The following FTCDNL1 variants were observed in gnomAD, a reference collection of about 807,000 sequenced individuals.
FTCDNL1 encodes the protein formiminotransferase cyclodeaminase N-terminal like.
Under a neutral mutation model 5.9 loss-of-function variants are expected in FTCDNL1, and 11 were observed. The ratio of observed to expected loss-of-function variants is 1.87; its 90% CI spans 1.18 to 3.10. FTCDNL1 has a LOEUF of 3.10. Among genes scored for constraint, FTCDNL1 ranks in the 30% most tolerant of loss-of-function variants. The pLI is 0.00. For missense variants in FTCDNL1, 115 were observed against 65.5 expected, an observed-to-expected ratio of 1.76 and a Z score of -2.61; for synonymous variants, 58 against 24.8, an observed-to-expected ratio of 2.34 and a Z score of -3.99.
the FTCDNL1 span, among the ~76,000 whole-genome samples, chr2:199,679,080 A>G: frequency 6.6e-6 from 1 of 152,128 alleles, no homozygotes; most frequent in Admixed American, 6.6e-5. Context: ...CCGGCATTCA[A>G]AATGTTCTTT....
chr2:199,823,503 T>C (rs1176768095), intron 3 of FTCDNL1, among the ~76,000 whole-genome samples: 1 of 152,248 alleles, frequency 6.6e-6, no homozygotes, highest in Non-Finnish European at 1.5e-5. Flanking sequence ...AATTACTCCT[T>C]GATCCATGGG....
intron 3 of FTCDNL1, among the ~76,000 whole-genome samples, chr2:199,781,386 A>G (rs796177404): frequency 1.1e-4 from 16 of 152,288 alleles, no homozygotes; most frequent in African/African-American, 3.6e-4. Flanking sequence ...CATCTTCCAG[A>G]CCACAGAAGC....
At chr2:199,738,999 C>A in the FTCDNL1 span, among the ~76,000 whole-genome samples, 1 of 152,132 alleles carries the variant, frequency 6.6e-6, no homozygotes, top group Non-Finnish European at 1.5e-5. Context: ...GCAATAAATT[C>A]TCAGTCACAG....
rs34899809 is a variant in FTCDNL1 at position 199,821,316 on chromosome 2, ATT to A, written c.212-1561_212-1560del. Among the ~76,000 whole-genome samples the A allele has an allele frequency of 4.7e-3, 628 of 133,818 alleles. 2 individuals are homozygous for A. Among genetic ancestry groups the A allele is most frequent in the Middle Eastern group, 0.011 (3 of 262 alleles). 87.8% of individuals were successfully genotyped at this position (133,818 alleles called of 152,430 possible). ...AGGCACGTGCCACCAAGCCTGGCTA[ATT>A]TTTTTTTTTTTTTTTTTTTTTTTAG... On this transcript the variant is annotated intron_variant, in intron 3 of 4. Coordinates refer to ENST00000420128, the MANE Select transcript of FTCDNL1 (RefSeq NM_001363886.2).
At chr2:199,734,642 C>A in the FTCDNL1 span, among the ~76,000 whole-genome samples, 1 of 152,088 alleles carries the variant, frequency 6.6e-6, no homozygotes, top group African/African-American at 2.4e-5. Flanking sequence ...CACATGATCA[C>A]CAAAGGCAGT....
chr2:199,833,541 G>A (rs1291065521), intron 3 of FTCDNL1, among the ~76,000 whole-genome samples: 1 of 152,218 alleles, frequency 6.6e-6, no homozygotes, highest in Non-Finnish European at 1.5e-5. Context: ...CTTGGGGATG[G>A]CCAGGAATCC....
chr2:199,842,421 G>A (rs1163702627), intron 3 of FTCDNL1, among the ~76,000 whole-genome samples: 2 of 152,146 alleles, frequency 1.3e-5, no homozygotes, highest in African/African-American at 4.8e-5. Context: ...AGTTCAGGCT[G>A]CCCTCACCTC....
At chr2:199,699,806 T>C in the FTCDNL1 span, among the ~76,000 whole-genome samples, 5,059 of 152,224 alleles carry the variant, frequency 0.033, 408 homozygotes, top group East Asian at 0.26. Context: ...AATCAAATCA[T>C]CATCTCAATA....
the FTCDNL1 span, among the ~76,000 whole-genome samples, chr2:199,753,987 G>T: frequency 6.6e-6 from 1 of 152,328 alleles, no homozygotes; most frequent in East Asian, 1.9e-4. Context: ...TTTCCTTGGA[G>T]ATATTGCCCC....
At chr2:199,703,746 C>T in the FTCDNL1 span, among the ~76,000 whole-genome samples, 2 of 152,026 alleles carry the variant, frequency 1.3e-5, no homozygotes, top group Non-Finnish European at 2.9e-5. Context: ...GCACATGTAC[C>T]CCCTTAAAAG....
At chr2:199,731,756 C>T in the FTCDNL1 span, among the ~76,000 whole-genome samples, 18 of 151,528 alleles carry the variant, frequency 1.2e-4, no homozygotes, top group East Asian at 1.4e-3. Context: ...GGCGTAGTGG[C>T]GGGCGCCTGT....
chr2:199,816,276 C>T (rs7574287), intron 4 of FTCDNL1, among the ~76,000 whole-genome samples: 125,761 of 152,146 alleles, frequency 0.83, 52,077 homozygotes, highest in Admixed American at 0.89. Context: ...TGTAATTTTC[C>T]TGTTTCTTCC....
intron 3 of FTCDNL1, among the ~76,000 whole-genome samples, chr2:199,761,957 G>T (rs1052606659): frequency 3.9e-5 from 6 of 152,098 alleles, no homozygotes; most frequent in African/African-American, 1.5e-4. Flanking sequence ...TAATGCAGGG[G>T]TGTCCAATCT....
chr2:199,829,037 G>A (rs1702203378), intron 3 of FTCDNL1, among the ~76,000 whole-genome samples: 2 of 152,260 alleles, frequency 1.3e-5, no homozygotes, highest in South Asian at 4.2e-4. Flanking sequence ...ATGTACCTGT[G>A]GGATATCCAT....
At chr2:199,795,261 T>G (rs1017716438) in intron 3 of FTCDNL1, among the ~76,000 whole-genome samples, 1 of 152,150 alleles carries the variant, frequency 6.6e-6, no homozygotes, top group Non-Finnish European at 1.5e-5. Flanking sequence ...TTTTACCCAC[T>G]TGTTAGGCTA....
At chr2:199,706,322 T>G in the FTCDNL1 span, among the ~76,000 whole-genome samples, 1 of 152,070 alleles carries the variant, frequency 6.6e-6, no homozygotes, top group Non-Finnish European at 1.5e-5. Flanking sequence ...AGTAGGTAAA[T>G]TGGGTTCAAC....
chr2:199,730,187 T>C, the FTCDNL1 span, among the ~76,000 whole-genome samples: 1 of 152,126 alleles, frequency 6.6e-6, no homozygotes, highest in Non-Finnish European at 1.5e-5. Context: ...TTATACCTTA[T>C]ACAAAAATTA....
the FTCDNL1 span, among the ~76,000 whole-genome samples, chr2:199,702,831 C>G: frequency 6.6e-6 from 1 of 152,000 alleles, no homozygotes; most frequent in Non-Finnish European, 1.5e-5. Context: ...GAAAGTAAAA[C>G]GAAGTGAGGA....
chr2:199,767,602 T>C (rs1698597197), intron 3 of FTCDNL1, among the ~76,000 whole-genome samples: 1 of 152,156 alleles, frequency 6.6e-6, no homozygotes, highest in Non-Finnish European at 1.5e-5. Flanking sequence ...GGGATCTGCA[T>C]TCGTGAATGG....
Sources: gnomAD v4.1 joint callset for allele counts (sites outside exome capture counted in the v4.1 genomes callset) on GRCh38, gnomAD v4.1.1 for gene constraint, MANE v1.5 for transcripts, NCBI Gene and HGNC (gene_info 2026-07-23, HGNC 2026-07-21) for gene names.